Variants in P2RX4 observed in about 807,000 individuals in gnomAD.
P2RX4 encodes the protein purinergic receptor P2X 4.
Under a neutral mutation model 48.0 loss-of-function variants are expected in P2RX4, and 37 were observed. The observed-to-expected ratio is 0.77, with a 90% confidence interval of 0.59 to 1.01. P2RX4 has a LOEUF of 1.01. P2RX4 is among the 50% of genes least tolerant of loss of function. The probability of loss-of-function intolerance (pLI) is 0.00; values close to 1 mark genes in which losing one functional copy is unlikely to be tolerated. For synonymous variants in P2RX4, 200 were observed against 199.7 expected (o/e 1.00, Z -0.01); for missense variants, 501 against 521.4 (o/e 0.96, Z 0.38).
intron 5 of P2RX4, among the ~76,000 whole-genome samples, chr12:121,228,284 A>G (rs2136240368): frequency 6.7e-6 from 1 of 150,320 alleles, no homozygotes; most frequent in East Asian, 2.0e-4. Context: ...AATCCCAGCT[A>G]CACGGGAGGC....
At chr12:121,212,823 TA>T (rs1308029411) in intron 1 of P2RX4, 176 of 41,780 alleles carry the variant, frequency 4.2e-3, no homozygotes, top group Middle Eastern at 0.011. Context: ...TATATATATA[TA>T]TTTTTTTTTT....
rs1375396784 is a variant in P2RX4 at position 121,234,075 on chromosome 12, G to C, written c.*526G>C. On this transcript the variant is annotated 3_prime_UTR_variant, in exon 12 of 12. Transcript: ENST00000337233. ...AGAGAAGCGCTGTGCTAAGGTGATC[G>C]AGGACCAGACATTAAAGCGTGATTT... 6.2e-6 allele frequency: 1 copy of C among 161,062 alleles called. No homozygotes were observed. The highest frequency in any genetic ancestry group is 1.4e-5 in the Non-Finnish European group (1 of 72,698). 10.0% of individuals were successfully genotyped at this position (161,062 alleles called of 1,614,324 possible).
chr12:121,210,590 G>T (rs564278435), intron 1 of P2RX4, among the ~76,000 whole-genome samples: 1 of 152,288 alleles, frequency 6.6e-6, no homozygotes, highest in African/African-American at 2.4e-5. Context: ...AACCAATTTG[G>T]GCAACATCGT....
At chr12:121,230,705 C>G (rs2136245320) in intron 8 of P2RX4, among the ~76,000 whole-genome samples, 1 of 152,312 alleles carries the variant, frequency 6.6e-6, no homozygotes, top group East Asian at 1.9e-4. Flanking sequence ...TCGGGCAGCA[C>G]CAGGCCCTGC....
intron 5 of P2RX4, among the ~76,000 whole-genome samples, chr12:121,227,809 C>T (rs2136239674): frequency 6.6e-6 from 1 of 151,782 alleles, no homozygotes; most frequent in South Asian, 2.1e-4. Flanking sequence ...TACATAGGGG[C>T]TGAACATGGT....
chr12:121,210,360 G>A (rs1452622714), intron 1 of P2RX4, 62 bp downstream of exon 1: 5 of 1,385,390 alleles, frequency 3.6e-6, no homozygotes, highest in Middle Eastern at 2.6e-4. Context: ...GCCGTGCGGC[G>A]GCTCATCCTG....
chr12:121,228,367 CA>C (rs1178066693), intron 5 of P2RX4, among the ~76,000 whole-genome samples, 165 bp from the exon 6 acceptor site: 952 of 80,992 alleles, frequency 0.012, 19 homozygotes, highest in East Asian at 0.067. Flanking sequence ...GACTCCATCT[CA>C]AAAAAAAAAA....
intron 5 of P2RX4, among the ~76,000 whole-genome samples, chr12:121,224,236 C>T (rs774698775): frequency 2.3e-4 from 35 of 152,170 alleles, no homozygotes; most frequent in Non-Finnish European, 7.3e-5. Context: ...ATTTGGGGTT[C>T]TGTTACCAGA....
chr12:121,216,044 T>A (rs1223076251), intron 1 of P2RX4: 1 of 152,238 alleles, frequency 6.6e-6, no homozygotes, highest in Non-Finnish European at 1.5e-5. Context: ...AGAAATTATC[T>A]TGGGCCACAC....
chr12:121,214,459 A>T (rs1302215396), intron 1 of P2RX4: 1 of 152,090 alleles, frequency 6.6e-6, no homozygotes, highest in Non-Finnish European at 1.5e-5. Context: ...CCTCCCTCAA[A>T]AAAAGACCGA....
chr12:121,215,101 A>C (rs1398817904), intron 1 of P2RX4: 1 of 152,168 alleles, frequency 6.6e-6, no homozygotes, highest in Non-Finnish European at 1.5e-5. Context: ...TTCTATAAAT[A>C]ACAACACTGA....
rs991861626 is a variant in P2RX4, at chr12:121,219,910, A to G, written c.283-2003A>G. Among the ~76,000 whole-genome samples the G allele has an allele frequency of 3.9e-5, 6 of 152,260 alleles. No individual in the cohort carries two copies. In the East Asian group the frequency reaches 5.8e-4, roughly 15 times the overall value. Reference sequence around the variant, plus strand: ...TTAGATGGATGGACACCAGCCCCCAATGAGAGGAGGATCCAACTAGAATCT... The same window carrying G: ...TTAGATGGATGGACACCAGCCCCCAGTGAGAGGAGGATCCAACTAGAATCT... On this transcript the variant is annotated intron_variant, in intron 2 of 11. Transcript: ENST00000337233.
rs1176456549 is a variant in P2RX4, at chr12:121,222,098, C to T, written c.359C>T (p.Pro120Leu). 2.5e-6 allele frequency: 4 copies of T among 1,613,362 alleles called. No homozygotes were observed. The Admixed American group carries it at 6.7e-5, about 27-fold the overall frequency. ...NQTQGLCPEI[P>L]DATTVCKSDA... ...TTTCGCTCCTTCTTTTTCCAGATTCCAGATGCGACCACTGTGTGTAAATCA... is the reference window on the plus strand; with the variant it reads ...TTTCGCTCCTTCTTTTTCCAGATTCTAGATGCGACCACTGTGTGTAAATCA... The change falls in exon 4 of 12, where the codon CCA becomes CTA. Residue 120 changes from proline (P) to leucine (L), a missense_variant. Pro to Leu is a moderately conservative substitution (Grantham distance 98, BLOSUM62 -3). Around this residue, in one of 3 missense-constraint regions of P2RX4, gnomAD observed 295 missense variants for 275.3 expected, o/e 1.07. Transcript: ENST00000337233.
rs1044069113 is a variant in P2RX4 at position 121,233,720 on chromosome 12, T to C, written c.*171T>C. The C allele has an allele frequency of 7.5e-6, 11 of 1,463,698 alleles. No homozygotes were observed. The highest frequency in any genetic ancestry group is 1.8e-4 in the Middle Eastern group (1 of 5,638). 90.7% of individuals were successfully genotyped at this position (1,463,698 alleles called of 1,614,324 possible). A position where few individuals can be genotyped will look rare whatever the true frequency, so the allele number is the denominator to read the frequency against. ...TCCTGTGTGTTGTGTGCAGGATCTG[T>C]TTGCCCACTCGGCCCAGGAGGTCAG... On this transcript the variant is annotated 3_prime_UTR_variant, in exon 12 of 12. Coordinates refer to ENST00000337233, the MANE Select transcript of P2RX4 (RefSeq NM_002560.3).
intron 2 of P2RX4, among the ~76,000 whole-genome samples, chr12:121,217,530 A>G (rs2136220356): frequency 6.6e-6 from 1 of 152,320 alleles, no homozygotes; most frequent in Middle Eastern, 3.4e-3. Context: ...GAGAAAACAA[A>G]TGTCTTAAAT....
chr12:121,214,368 G>C (rs913786866), intron 1 of P2RX4: 3 of 151,952 alleles, frequency 2.0e-5, no homozygotes, highest in African/African-American at 7.2e-5. Flanking sequence ...CTGCATTAAG[G>C]CTCTTTTTTT....
chr12:121,232,394 TC>T lies in P2RX4; in HGVS notation c.885-18del. The T allele has an allele frequency of 6.3e-7, 1 of 1,579,020 alleles. No individual in the cohort carries two copies. The highest frequency in any genetic ancestry group is 8.7e-7 in the Non-Finnish European group (1 of 1,148,126). ...TCCTGCCCCAGCCATCTCCCCCTGA[TC>T]CATCCTCCTTCCCCTCAGGTTTGCC... On this transcript the variant is annotated intron_variant, in intron 8 of 11. Transcript: ENST00000337233. The surrounding 1 kb of genome is among the most constrained non-coding windows in gnomAD (Gnocchi z 4.3).
At position 121,229,644 on chromosome 12, in the gene P2RX4, C is replaced by CAG. The variant is rs535714554; in HGVS notation, c.884+546_884+547dup. 1.6e-4 allele frequency among the ~76,000 whole-genome samples: 25 copies of CAG among 152,308 alleles called. 1 individual carries two copies. The South Asian group carries it at 5.0e-3, about 30-fold the overall frequency. On this transcript the variant is annotated intron_variant, in intron 8 of 11. Coordinates refer to ENST00000337233, the MANE Select transcript of P2RX4 (RefSeq NM_002560.3). This position sits in a 1 kb window ranked among gnomAD's most constrained non-coding sequence, Gnocchi z 4.6. ...TCCCACAAACAGTGGCTTGCAACTA[C>CAG]AGGACTTGATTCTCTCACAGTTCTC...
chr12:121,214,630 G>T (rs1886102017), intron 1 of P2RX4: 1 of 152,166 alleles, frequency 6.6e-6, no homozygotes, highest in Admixed American at 6.5e-5. Flanking sequence ...GTGTCAGACT[G>T]GAATTAAATG....
Sources: allele counts gnomAD v4.1 joint callset (sites outside exome capture counted in the v4.1 genomes callset), GRCh38; gene constraint gnomAD v4.1.1; regional missense constraint gnomAD v4.1.1; non-coding constraint Gnocchi (gnomAD v3.1); transcripts MANE v1.5; gene names NCBI Gene and HGNC (gene_info 2026-07-23, HGNC 2026-07-21).